The following SLC25A28 variants were observed in gnomAD, a reference collection of about 807,000 sequenced individuals.
SLC25A28 encodes solute carrier family 25 member 28.
SLC25A28 carries 10 observed loss-of-function variants against 31.9 expected under a neutral mutation model. The observed-to-expected ratio is 0.31, with a 90% CI of 0.19 to 0.53. The LOEUF (loss-of-function observed/expected upper bound fraction) is 0.53. Ranked by LOEUF, SLC25A28 falls within the 20% of genes least tolerant of loss-of-function variation. The probability of loss-of-function intolerance (pLI) is 0.95; values close to 1 mark genes in which losing one functional copy is unlikely to be tolerated. For missense variants in SLC25A28, 256 were observed against 490.3 expected (o/e 0.52, Z 4.51); for synonymous variants, 208 against 203.6 (o/e 1.02, Z -0.19).
intron 1 of SLC25A28, chr10:99,617,840 A>C: frequency 1.1e-6 from 1 of 939,950 alleles, no homozygotes; most frequent in South Asian, 4.9e-5. Context: ...AAAAACAAAA[A>C]TTCCAAAGTT....
upstream of SLC25A28, chr10:99,620,549 G>A (rs971144722): frequency 8.8e-6 from 9 of 1,023,708 alleles, no homozygotes; most frequent in East Asian, 1.9e-4. Context: ...TCAGCCGGTA[G>A]TATTAGCGAA....
In SLC25A28 at chr10:99,611,523, C is replaced by T; in HGVS notation, c.578-157G>A. 1 of 897,890 alleles carries T rather than the reference C, an allele frequency of 1.1e-6. No homozygotes were observed. The highest frequency in any genetic ancestry group is 1.7e-6 in the Non-Finnish European group (1 of 602,554). The allele number at this position is 897,890 out of a possible 1,614,324, so 55.6% of individuals were successfully genotyped here. ...TGGCTAACCTGAGAAGTCAGCTTCC[C>T]TTTTTTGAGGGGAAGGAGTAAGCAG... On this transcript the variant is annotated intron_variant, in intron 3 of 3. Transcript: ENST00000370495. The surrounding 1 kb of genome is among the most constrained non-coding windows in gnomAD (Gnocchi z 5.5).
At chr10:99,651,149 T>C in the SLC25A28 span, among the ~76,000 whole-genome samples, 1 of 152,184 alleles carries the variant, frequency 6.6e-6, no homozygotes, top group Admixed American at 6.5e-5. Flanking sequence ...TTACTTCTGG[T>C]GCTTCCCATC....
chr10:99,651,513 T>A, the SLC25A28 span, among the ~76,000 whole-genome samples: 5 of 151,990 alleles, frequency 3.3e-5, no homozygotes, highest in Non-Finnish European at 7.4e-5. Flanking sequence ...CACAGAAGGA[T>A]AACCCACTGT....
In SLC25A28 at chr10:99,613,615, T is replaced by C. The variant is rs1283349728; in HGVS notation, c.520+81A>G. On this transcript the variant is annotated intron_variant, in intron 2 of 3. Transcript: ENST00000370495. The surrounding 1 kb of genome is among the most constrained non-coding windows in gnomAD (Gnocchi z 4.9). ...AGCCCAAAGCTTCAGCTCCAAACCA[T>C]GCTGAGACTGGAAAGCACTGACAGC... The C allele has an allele frequency of 1.9e-6, 3 of 1,601,322 alleles. No individual in the cohort carries two copies. Among genetic ancestry groups the C allele is most frequent in the African/African-American group, 2.7e-5 (2 of 74,752 alleles).
At chr10:99,624,112 T>A (rs1430366308), upstream of SLC25A28, among the ~76,000 whole-genome samples, 1 of 146,294 alleles carries the variant, frequency 6.8e-6, no homozygotes, top group African/African-American at 2.5e-5. Context: ...CCTTTCTCCT[T>A]CCTTCCTTTT....
upstream of SLC25A28, among the ~76,000 whole-genome samples, chr10:99,622,957 G>A (rs1489255960): frequency 6.6e-6 from 1 of 152,148 alleles, no homozygotes; most frequent in African/African-American, 2.4e-5. Context: ...AGGGTGGGGA[G>A]GTGGGACAGA....
chr10:99,635,409 C>T, the SLC25A28 span, among the ~76,000 whole-genome samples: 9 of 152,174 alleles, frequency 5.9e-5, no homozygotes, highest in Admixed American at 3.9e-4. Context: ...CTGCTGGGCA[C>T]GATGGCTCAC....
chr10:99,637,437 A>C, the SLC25A28 span, among the ~76,000 whole-genome samples: 1 of 152,204 alleles, frequency 6.6e-6, no homozygotes, highest in Non-Finnish European at 1.5e-5. Flanking sequence ...AGTCCCAGCC[A>C]GAGCAATCAG....
At chr10:99,651,936 AGTGTG>A in the SLC25A28 span, 3 of 151,912 alleles carry the variant, frequency 2.0e-5, no homozygotes, top group Non-Finnish European at 4.4e-5. Context: ...TTGGTGTGTG[AGTGTG>A]TATCTTGCTT....
At chr10:99,628,083 C>A in the SLC25A28 span, among the ~76,000 whole-genome samples, 1 of 152,258 alleles carries the variant, frequency 6.6e-6, no homozygotes, top group Admixed American at 6.5e-5. Flanking sequence ...GTAAAGAGAG[C>A]ATAATTAAAT....
Position 99,616,121 on chromosome 10 carries a change from C to G in SLC25A28, c.292-2197G>C, listed in dbSNP as rs193125116. ...TGCCTTTTACAGAAAGATGAAATAT[C>G]TAAGTAAGAATTTCTGAAAAACCTC... On this transcript the variant is annotated intron_variant, in intron 1 of 3. Transcript: ENST00000370495. The G allele has an allele frequency of 3.5e-4, 349 of 985,366 alleles. 3 individuals are homozygous for G. The African/African-American group carries it at 5.7e-3, about 16-fold the overall frequency. The allele number at this position is 985,366 out of a possible 1,614,324, so 61.0% of individuals were successfully genotyped here.
At chr10:99,655,179 G>C in the SLC25A28 span, among the ~76,000 whole-genome samples, 4 of 152,132 alleles carry the variant, frequency 2.6e-5, no homozygotes, top group African/African-American at 9.7e-5. Context: ...ATCGGAGTAT[G>C]GCGGTGTGCG....
chr10:99,618,423 C>T, intron 1 of SLC25A28: 2 of 985,456 alleles, frequency 2.0e-6, no homozygotes, highest in Non-Finnish European at 2.4e-6. Context: ...CTAAACCCTG[C>T]ACTCTACTCA....
the SLC25A28 span, chr10:99,652,296 T>C: frequency 1.3e-5 from 2 of 152,316 alleles, no homozygotes; most frequent in Admixed American, 1.3e-4. Flanking sequence ...CTTACCCAGA[T>C]AGGGACTGAT....
At chr10:99,618,092 G>T in intron 1 of SLC25A28, 1 of 240,614 alleles carries the variant, frequency 4.2e-6, no homozygotes, top group Non-Finnish European at 6.7e-6. Flanking sequence ...ATTTGATTCT[G>T]AATAGTCTTT....
At chr10:99,623,847 A>T (rs893345944), upstream of SLC25A28, among the ~76,000 whole-genome samples, 2 of 152,234 alleles carry the variant, frequency 1.3e-5, no homozygotes, top group Non-Finnish European at 2.9e-5. Flanking sequence ...TTGCTCCCAG[A>T]CAGACTTCAG....
upstream of SLC25A28, chr10:99,622,607 C>CGGCA (rs2034817669): frequency 4.1e-6 from 4 of 979,294 alleles, no homozygotes; most frequent in Non-Finnish European, 4.9e-6. Context: ...TTTTTCTTAA[C>CGGCA]AGAGATAACA....
chr10:99,651,594 C>CTTTT, the SLC25A28 span, among the ~76,000 whole-genome samples: 35,398 of 109,940 alleles, frequency 0.32, 6,630 homozygotes, highest in Non-Finnish European at 0.35. Context: ...TTTTTCTTTT[C>CTTTT]TTTTTTTTTT....
Sources: allele counts gnomAD v4.1 joint callset (sites outside exome capture counted in the v4.1 genomes callset), GRCh38; gene constraint gnomAD v4.1.1; non-coding constraint Gnocchi (gnomAD v3.1); transcripts MANE v1.5; gene names NCBI Gene and HGNC (gene_info 2026-07-23, HGNC 2026-07-21).